SFMBT2: variants seen among roughly 807,000 people sequenced by gnomAD.
SFMBT2 encodes Scm like with four mbt domains 2, also known as scm-like with four MBT domains protein 2.
In SFMBT2, 38 loss-of-function variants were observed where a neutral mutation model predicts 110.1. The observed-to-expected ratio is 0.35, with a 90% CI of 0.27 to 0.45. SFMBT2 has a LOEUF of 0.45. Ranked by LOEUF, SFMBT2 falls within the 20% of genes least tolerant of loss-of-function variation. SFMBT2 has a pLI of 1.00. For missense variants in SFMBT2, 1,011 were observed against 1,094.9 expected (o/e 0.92, Z 1.08); for synonymous variants, 425 against 425.4 (o/e 1.00, Z 0.01).
intron 1 of SFMBT2, among the ~76,000 whole-genome samples, chr10:7,394,859 CCTCT>C (rs1845880328): frequency 1.3e-5 from 2 of 152,122 alleles, no homozygotes; most frequent in South Asian, 2.1e-4. Context: ...ACCTCCCCTC[CCTCT>C]GTTACACAGA....
At chr10:7,222,744 A>T (rs1247473830) in intron 10 of SFMBT2, among the ~76,000 whole-genome samples, 1 of 151,544 alleles carries the variant, frequency 6.6e-6, no homozygotes, top group Non-Finnish European at 1.5e-5. Flanking sequence ...ATCTCAGCTC[A>T]CTGCAACCTC....
intron 9 of SFMBT2, among the ~76,000 whole-genome samples, chr10:7,240,175 A>C (rs1171634189): frequency 3.3e-5 from 5 of 152,150 alleles, no homozygotes; most frequent in Non-Finnish European, 5.9e-5. Flanking sequence ...CTCATACCCC[A>C]AAAACACTAA....
intron 8 of SFMBT2, among the ~76,000 whole-genome samples, chr10:7,245,446 T>C (rs934567890): frequency 3.9e-5 from 6 of 152,234 alleles, no homozygotes; most frequent in Admixed American, 2.6e-4. Context: ...TTAAAATGCA[T>C]GTTCACGTGG....
At chr10:7,246,288 CT>C in intron 8 of SFMBT2, 2 of 445,460 alleles carry the variant, frequency 4.5e-6, no homozygotes, top group Non-Finnish European at 5.9e-6. Context: ...AAATTATTTA[CT>C]GTGAAAAACC....
chr10:7,234,843 G>C (rs1225594491), intron 9 of SFMBT2, among the ~76,000 whole-genome samples: 1 of 152,336 alleles, frequency 6.6e-6, no homozygotes, highest in East Asian at 1.9e-4. Context: ...GCTGAGCAGT[G>C]AGCAGCTCAC....
chr10:7,184,362 G>C (rs1838333670), intron 16 of SFMBT2, among the ~76,000 whole-genome samples: 1 of 152,108 alleles, frequency 6.6e-6, no homozygotes, highest in Non-Finnish European at 1.5e-5. Context: ...TTCATAAGGG[G>C]AAACCCCTTT....
chr10:7,307,403 C>G (rs1408966430), intron 4 of SFMBT2, among the ~76,000 whole-genome samples: 1 of 152,048 alleles, frequency 6.6e-6, no homozygotes, highest in Non-Finnish European at 1.5e-5. Flanking sequence ...TCAAGAACAC[C>G]AACAAACTAG....
chr10:7,342,273 A>G (rs1040830567), intron 4 of SFMBT2, among the ~76,000 whole-genome samples: 1 of 152,144 alleles, frequency 6.6e-6, no homozygotes, highest in African/African-American at 2.4e-5. Context: ...CAATATGTTA[A>G]GCACACATAA....
intron 4 of SFMBT2, among the ~76,000 whole-genome samples, chr10:7,300,353 C>G (rs1355503862): frequency 6.6e-6 from 1 of 151,958 alleles, no homozygotes; most frequent in Non-Finnish European, 1.5e-5. Flanking sequence ...TACACTCACA[C>G]TGAGTAACAA....
Position 7,205,657 on chromosome 10 carries a change from T to TA in SFMBT2, c.1444+157dup, listed in dbSNP as rs140787959. The stretch of plus-strand genomic sequence containing the variant: ...TGTGACATCATCTCATGCAAACACT[T>TA]AAAGATTAAGCGAGATCATGAAAAC... On this transcript the variant is annotated intron_variant, in intron 12 of 20. Coordinates refer to ENST00000397167, the MANE Select transcript of SFMBT2 (RefSeq NM_001387889.1). 1,237 of 985,414 alleles carry TA rather than the reference T, an allele frequency of 1.3e-3. 13 individuals carry two copies. The African/African-American group carries it at 0.02, about 16-fold the overall frequency. 61.0% of individuals were successfully genotyped at this position (985,414 alleles called of 1,614,324 possible).
intron 7 of SFMBT2, among the ~76,000 whole-genome samples, chr10:7,264,546 G>C (rs1365419912): frequency 6.6e-6 from 1 of 152,154 alleles, no homozygotes; most frequent in African/African-American, 2.4e-5. Context: ...TTAGGAACTG[G>C]TCAGGGAGGT....
intron 4 of SFMBT2, among the ~76,000 whole-genome samples, chr10:7,343,013 G>GA (rs1348887948): frequency 1.3e-5 from 2 of 152,190 alleles, no homozygotes; most frequent in Non-Finnish European, 2.9e-5. Flanking sequence ...CTGATAGGTA[G>GA]TTTTTTAATC....
chr10:7,210,747 C>T (rs1303523256), intron 11 of SFMBT2, among the ~76,000 whole-genome samples: 1 of 152,214 alleles, frequency 6.6e-6, no homozygotes, highest in East Asian at 1.9e-4. Flanking sequence ...TTGCAGATGC[C>T]TATCAAGAAG....
chr10:7,202,759 AG>A (rs1254444909), intron 12 of SFMBT2: 1 of 985,186 alleles, frequency 1.0e-6, no homozygotes, highest in Non-Finnish European at 1.2e-6. Flanking sequence ...TCATTACACT[AG>A]CTACTTTATT....
chr10:7,228,601 T>C (rs1185899943), intron 9 of SFMBT2, among the ~76,000 whole-genome samples: 1 of 152,148 alleles, frequency 6.6e-6, no homozygotes, highest in Non-Finnish European at 1.5e-5. Context: ...TTGGATATAC[T>C]GAGAGAGGCA....
At chr10:7,329,130 T>C (rs1344889486) in intron 4 of SFMBT2, among the ~76,000 whole-genome samples, 1 of 152,230 alleles carries the variant, frequency 6.6e-6, no homozygotes, top group African/African-American at 2.4e-5. Context: ...CCAAAAGAAC[T>C]ACCTCAAATA....
intron 7 of SFMBT2, among the ~76,000 whole-genome samples, chr10:7,273,064 C>T (rs575726869): frequency 5.3e-5 from 8 of 152,288 alleles, no homozygotes; most frequent in South Asian, 2.1e-4. Flanking sequence ...CAAAGTGCTG[C>T]GCTTACAGGC....
intron 8 of SFMBT2, 132 bp from the exon 9 acceptor site, chr10:7,243,837 T>C (rs1396371052): frequency 3.2e-6 from 2 of 633,640 alleles, no homozygotes; most frequent in Non-Finnish European, 5.4e-6. Flanking sequence ...CAAACTGGCA[T>C]TTTCAATGTC....
intron 1 of SFMBT2, among the ~76,000 whole-genome samples, chr10:7,401,868 CTCCACGTGT>C (rs1846091330): frequency 6.6e-6 from 1 of 152,228 alleles, no homozygotes; most frequent in South Asian, 2.1e-4. Context: ...CGGGACATTT[CTCCACGTGT>C]TCCGCACAAC....
Sources: gnomAD v4.1 joint callset for allele counts (sites outside exome capture counted in the v4.1 genomes callset) on GRCh38, gnomAD v4.1.1 for gene constraint, MANE v1.5 for transcripts, NCBI Gene and HGNC (gene_info 2026-07-23, HGNC 2026-07-21) for gene names.